GRM1: variants seen among roughly 807,000 people sequenced by gnomAD.
GRM1 encodes the protein metabotropic glutamate receptor 1.
GRM1 carries 33 observed loss-of-function variants against 90.9 expected under a neutral mutation model. The observed-to-expected ratio is 0.36, with a 90% CI of 0.28 to 0.49. The LOEUF (loss-of-function observed/expected upper bound fraction) is 0.49. Among genes scored for constraint, GRM1 ranks in the 20% least tolerant of loss-of-function variants. The probability of loss-of-function intolerance (pLI) is 0.99; values close to 1 mark genes in which losing one functional copy is unlikely to be tolerated. For synonymous variants in GRM1, 700 were observed against 613.2 expected, an observed-to-expected ratio of 1.14 and a Z score of -2.09; for missense variants, 1,190 against 1,534.3, an observed-to-expected ratio of 0.78 and a Z score of 3.75.
At chr6:146,425,795 A>G (rs1198959678) in intron 7 of GRM1, among the ~76,000 whole-genome samples, 4 of 151,302 alleles carry the variant, frequency 2.6e-5, no homozygotes, top group Admixed American at 1.3e-4. Context: ...CACCTTCTGC[A>G]GTGCTAGCTG....
At chr6:146,413,252 T>A (rs2206952) in intron 7 of GRM1, among the ~76,000 whole-genome samples, 1,944 of 152,252 alleles carry the variant, frequency 0.013, 47 homozygotes, top group African/African-American at 0.045. Flanking sequence ...CTGATAATAA[T>A]CTTTTTTCCC....
At chr6:146,331,926 CAT>C (rs1202557796) in intron 3 of GRM1, among the ~76,000 whole-genome samples, 5 of 152,104 alleles carry the variant, frequency 3.3e-5, no homozygotes, top group Non-Finnish European at 7.4e-5. Flanking sequence ...GTGAAACTAT[CAT>C]GTGATAGTTT....
At chr6:146,144,528 G>C (rs961518341) in intron 1 of GRM1, among the ~76,000 whole-genome samples, 1 of 152,042 alleles carries the variant, frequency 6.6e-6, no homozygotes, top group African/African-American at 2.4e-5. Flanking sequence ...TCTCAACCTT[G>C]AACTTCTCAG....
At chr6:146,270,903 T>TCC in intron 2 of GRM1, among the ~76,000 whole-genome samples, 3 of 117,360 alleles carry the variant, frequency 2.6e-5, no homozygotes, top group African/African-American at 1.2e-4. Context: ...CTTTCTTTCT[T>TCC]TCTTTCTTTC....
intron 5 of GRM1, among the ~76,000 whole-genome samples, 180 bp downstream of exon 5, chr6:146,357,874 G>A (rs1785650697): frequency 6.6e-6 from 1 of 152,190 alleles, no homozygotes; most frequent in Non-Finnish European, 1.5e-5. Flanking sequence ...AACAGAGTGA[G>A]TAAACTCTTA....
At chr6:146,242,672 T>G (rs546348434) in intron 2 of GRM1, among the ~76,000 whole-genome samples, 3 of 152,084 alleles carry the variant, frequency 2.0e-5, no homozygotes, top group African/African-American at 7.2e-5. Flanking sequence ...ACCTGAGAGG[T>G]AGTAGGGAAA....
At chr6:146,248,248 G>C (rs1284912506) in intron 2 of GRM1, among the ~76,000 whole-genome samples, 4 of 152,138 alleles carry the variant, frequency 2.6e-5, no homozygotes, top group Non-Finnish European at 5.9e-5. Flanking sequence ...TGAATGAGAA[G>C]AGTTACAAAG....
rs145989741 is a variant in GRM1 at position 146,358,561 on chromosome 6, G to A, written c.1602+867G>A. On this transcript the variant is annotated intron_variant, in intron 5 of 7. Transcript: ENST00000282753. The stretch of plus-strand genomic sequence containing the variant: ...GCACAGCTGGAGCTGGGGTAGATCA[G>A]GCGTGAGGCTCTGGCTCCTGCCATG... 9.9e-5 allele frequency among the ~76,000 whole-genome samples: 15 copies of A among 152,276 alleles called. No homozygotes were observed. The East Asian group carries it at 2.7e-3, about 27-fold the overall frequency.
intron 2 of GRM1, among the ~76,000 whole-genome samples, chr6:146,227,501 A>G (rs1364424390): frequency 6.6e-6 from 1 of 152,226 alleles, no homozygotes; most frequent in African/African-American, 2.4e-5. Flanking sequence ...AATAGCATTT[A>G]TTGGACTAAT....
chr6:146,316,140 G>A (rs1783957854), intron 3 of GRM1, among the ~76,000 whole-genome samples: 1 of 152,142 alleles, frequency 6.6e-6, no homozygotes, highest in African/African-American at 2.4e-5. Flanking sequence ...CATTCCTTAT[G>A]AAGACCCTAG....
intron 5 of GRM1, among the ~76,000 whole-genome samples, chr6:146,362,557 TA>T (rs11354296): frequency 0.041 from 6,023 of 145,832 alleles, 382 homozygotes; most frequent in African/African-American, 0.14. Context: ...CAGGCGCCTG[TA>T]ATCACAGCTA....
chr6:146,198,027 A>C (rs1779178599), intron 2 of GRM1, among the ~76,000 whole-genome samples: 1 of 152,224 alleles, frequency 6.6e-6, no homozygotes, highest in Non-Finnish European at 1.5e-5. Context: ...AAACAAAGGG[A>C]TACAAGGACA....
chr6:146,201,742 A>G (rs1779304988), intron 2 of GRM1, among the ~76,000 whole-genome samples: 1 of 152,186 alleles, frequency 6.6e-6, no homozygotes, highest in Admixed American at 6.5e-5. Context: ...TGAGACAGGC[A>G]CTCTTATTAT....
intron 5 of GRM1, among the ~76,000 whole-genome samples, chr6:146,358,509 G>C (rs796107848): frequency 8.5e-5 from 13 of 152,314 alleles, no homozygotes; most frequent in African/African-American, 3.1e-4. Flanking sequence ...TTGAGGCACA[G>C]ACAGGCTGTC....
chr6:146,361,822 A>G (rs1775487631), intron 5 of GRM1, among the ~76,000 whole-genome samples: 1 of 152,234 alleles, frequency 6.6e-6, no homozygotes, highest in Admixed American at 6.5e-5. Context: ...CTTTCATTAT[A>G]TGAACTGGCA....
intron 2 of GRM1, among the ~76,000 whole-genome samples, chr6:146,213,697 T>C (rs554470934): frequency 2.0e-5 from 3 of 149,494 alleles, no homozygotes; most frequent in African/African-American, 7.5e-5. Flanking sequence ...GATAGATAGA[T>C]AGATAGATAG....
At chr6:146,167,088 A>G (rs754780673) in intron 2 of GRM1, among the ~76,000 whole-genome samples, 15 of 152,090 alleles carry the variant, frequency 9.9e-5, no homozygotes, top group Non-Finnish European at 8.8e-5. Context: ...ACAGGCAACC[A>G]CGGCATTACA....
chr6:146,125,017 A>G (rs1776145142), intron 1 of GRM1, among the ~76,000 whole-genome samples: 1 of 152,174 alleles, frequency 6.6e-6, no homozygotes, highest in South Asian at 2.1e-4. Context: ...AGTTAAAAGG[A>G]TTCTTTTAAC....
chr6:146,424,414 C>G (rs1397546861), intron 7 of GRM1, among the ~76,000 whole-genome samples: 1 of 152,150 alleles, frequency 6.6e-6, no homozygotes, highest in Non-Finnish European at 1.5e-5. Flanking sequence ...GGGCTGGGAC[C>G]CAGGGGACAA....
Sources: allele counts gnomAD v4.1 joint callset (sites outside exome capture counted in the v4.1 genomes callset), GRCh38; gene constraint gnomAD v4.1.1; transcripts MANE v1.5; gene names NCBI Gene and HGNC (gene_info 2026-07-23, HGNC 2026-07-21).